The following ANKS1B variants were observed in gnomAD, a reference collection of about 807,000 sequenced individuals.
The protein encoded by ANKS1B is ankyrin repeat and sterile alpha motif domain containing 1B, also known as ankyrin repeat and sterile alpha motif domain-containing protein 1B.
Under a neutral mutation model 148.3 loss-of-function variants are expected in ANKS1B, and 36 were observed. The ratio of observed to expected loss-of-function variants is 0.24; its 90% CI spans 0.19 to 0.32. The LOEUF is 0.32. Ranked by LOEUF, ANKS1B falls within the 10% of genes least tolerant of loss-of-function variation. The pLI is 1.00. For missense variants in ANKS1B, 1,157 were observed against 1,542.6 expected (o/e 0.75, Z 4.19); for synonymous variants, 542 against 560.8 (o/e 0.97, Z 0.47).
At chr12:99,438,996 A>G (rs1217177644) in intron 11 of ANKS1B, among the ~76,000 whole-genome samples, 2 of 151,948 alleles carry the variant, frequency 1.3e-5, no homozygotes, top group Non-Finnish European at 2.9e-5. Context: ...GTACTCTAGC[A>G]TTTAAATAAA....
intron 1 of ANKS1B, among the ~76,000 whole-genome samples, chr12:99,936,312 T>C (rs368132951): frequency 6.6e-6 from 1 of 152,190 alleles, no homozygotes; most frequent in East Asian, 1.9e-4. Flanking sequence ...TTTTCCATCC[T>C]ATATTTCTGT....
chr12:98,780,816 A>G (rs2098726962), intron 24 of ANKS1B, among the ~76,000 whole-genome samples: 2 of 152,216 alleles, frequency 1.3e-5, no homozygotes, highest in Non-Finnish European at 1.5e-5. Flanking sequence ...CCAAAGGGAC[A>G]TGCTGGATAA....
At chr12:99,959,433 G>A (rs17396250) in intron 1 of ANKS1B, among the ~76,000 whole-genome samples, 8,400 of 151,722 alleles carry the variant, frequency 0.055, 338 homozygotes, top group Admixed American at 0.099. Context: ...CCAACTTCAA[G>A]TGAAAAGATT....
intron 17 of ANKS1B, among the ~76,000 whole-genome samples, chr12:98,892,092 T>G (rs933504043): frequency 6.6e-6 from 1 of 152,238 alleles, no homozygotes; most frequent in Non-Finnish European, 1.5e-5. Context: ...GGACATTTAT[T>G]GGTTTGATGG....
intron 8 of ANKS1B, among the ~76,000 whole-genome samples, chr12:99,727,912 G>A (rs1012073314): frequency 6.6e-6 from 1 of 152,106 alleles, no homozygotes; most frequent in African/African-American, 2.4e-5. Flanking sequence ...TTCAATAAAA[G>A]GTGCTGGGAA....
chr12:99,612,472 T>C (rs1208157783), intron 9 of ANKS1B, among the ~76,000 whole-genome samples: 1 of 152,076 alleles, frequency 6.6e-6, no homozygotes, highest in African/African-American at 2.4e-5. Context: ...TGCAGAGAGT[T>C]TAAGTAACTT....
At position 99,772,964 on chromosome 12, in the gene ANKS1B, C is replaced by T; in HGVS notation, c.1086G>A (p.Lys362=). 1.2e-6 allele frequency: 2 copies of T among 1,611,714 alleles called. No individual in the cohort carries two copies. The highest frequency in any genetic ancestry group is 1.3e-5 in the African/African-American group (1 of 74,942). Residue 362 remains lysine, a synonymous_variant, in exon 8 of 27, where the codon AAG becomes AAA. Transcript: ENST00000683438. ...TTTTCCCAAGTTCTTCCTCTGAAAT[C>T]TTGCTCAAATTATCTAAGTAGTGGT... The part of the protein sequence containing the change: ...ISDHYLDNLS[K]ISEEELGKNG...
At chr12:99,272,562 C>G (rs535582850) in intron 12 of ANKS1B, among the ~76,000 whole-genome samples, 5 of 152,164 alleles carry the variant, frequency 3.3e-5, no homozygotes, top group African/African-American at 9.7e-5. Context: ...CCAATACACA[C>G]TGTACACAGG....
chr12:99,976,385 A>G (rs1326532723), intron 1 of ANKS1B, among the ~76,000 whole-genome samples: 1 of 152,190 alleles, frequency 6.6e-6, no homozygotes, highest in South Asian at 2.1e-4. Context: ...GAATCTAGAG[A>G]TGATGCCAGC....
chr12:99,847,103 T>A (rs1272226852), intron 1 of ANKS1B, among the ~76,000 whole-genome samples: 1 of 151,904 alleles, frequency 6.6e-6, no homozygotes, highest in African/African-American at 2.4e-5. Context: ...TCTCTCTTTT[T>A]TCTTTCTTTT....
chr12:99,718,115 G>A (rs1050796735), intron 8 of ANKS1B, among the ~76,000 whole-genome samples: 4 of 151,794 alleles, frequency 2.6e-5, no homozygotes, highest in Admixed American at 6.6e-5. Flanking sequence ...ATGTTAGCCA[G>A]GATGGTCTCG....
intron 12 of ANKS1B, among the ~76,000 whole-genome samples, chr12:99,315,828 A>G (rs1204081746): frequency 1.3e-5 from 2 of 150,444 alleles, no homozygotes; most frequent in Admixed American, 6.6e-5. Context: ...CTCTCCCCCC[A>G]CCCCATGACA....
chr12:99,448,321 T>C (rs926588205), intron 10 of ANKS1B, among the ~76,000 whole-genome samples: 1 of 152,142 alleles, frequency 6.6e-6, no homozygotes. Context: ...GAGGACCTTG[T>C]GTTAAGTGAA....
At chr12:99,842,492 C>T (rs1362503533) in intron 1 of ANKS1B, among the ~76,000 whole-genome samples, 1 of 152,118 alleles carries the variant, frequency 6.6e-6, no homozygotes, top group Non-Finnish European at 1.5e-5. Flanking sequence ...TTAGCAAGAA[C>T]CTCCACCCTT....
At chr12:99,861,775 T>C (rs1295779037) in intron 1 of ANKS1B, among the ~76,000 whole-genome samples, 1 of 152,206 alleles carries the variant, frequency 6.6e-6, no homozygotes, top group Admixed American at 6.5e-5. Context: ...ACTTCTTTTA[T>C]GTAATTCACG....
chr12:98,796,071 G>A (rs1471113930), intron 22 of ANKS1B, among the ~76,000 whole-genome samples: 2 of 152,260 alleles, frequency 1.3e-5, no homozygotes, highest in East Asian at 1.9e-4. Flanking sequence ...CAACTTGAAA[G>A]TGCCTCTATG....
intron 14 of ANKS1B, among the ~76,000 whole-genome samples, chr12:99,211,511 A>C (rs1324363593): frequency 6.6e-6 from 1 of 152,200 alleles, no homozygotes; most frequent in Admixed American, 6.5e-5. Context: ...TGCTTAGCTC[A>C]TGGGAACACT....
chr12:99,613,175 T>A (rs1189484305), intron 9 of ANKS1B, among the ~76,000 whole-genome samples: 2 of 152,130 alleles, frequency 1.3e-5, no homozygotes, highest in Non-Finnish European at 2.9e-5. Context: ...CATTTTCGAC[T>A]ATTATTCAAA....
At chr12:99,567,213 C>T (rs1323284025) in intron 9 of ANKS1B, among the ~76,000 whole-genome samples, 3 of 152,234 alleles carry the variant, frequency 2.0e-5, no homozygotes, top group Non-Finnish European at 2.9e-5. Flanking sequence ...TAAGCTGCCT[C>T]TCTCCATAGG....
Sources: allele counts gnomAD v4.1 joint callset (sites outside exome capture counted in the v4.1 genomes callset), GRCh38; gene constraint gnomAD v4.1.1; transcripts MANE v1.5; gene names NCBI Gene and HGNC (gene_info 2026-07-23, HGNC 2026-07-21).